The following DNAJC17 variants were observed in gnomAD, a reference collection of about 807,000 sequenced individuals.
The protein encoded by DNAJC17 is dnaJ homolog subfamily C member 17.
Under a neutral mutation model 48.1 loss-of-function variants are expected in DNAJC17, and 35 were observed. The observed-to-expected ratio is 0.73, with a 90% CI of 0.56 to 0.96. DNAJC17 has a LOEUF of 0.96. Among genes scored for constraint, DNAJC17 ranks in the 50% least tolerant of loss-of-function variants. The probability of loss-of-function intolerance (pLI) is 0.00; values close to 1 mark genes in which losing one functional copy is unlikely to be tolerated. For synonymous variants in DNAJC17, 117 were observed against 142.7 expected, an observed-to-expected ratio of 0.82 and a Z score of 1.28; for missense variants, 355 against 377.1, an observed-to-expected ratio of 0.94 and a Z score of 0.48.
rs1009553944 is a variant in DNAJC17 at position 40,769,688 on chromosome 15, C to T, written c.793-1626G>A. The stretch of plus-strand genomic sequence containing the variant: ...ACGCCTGCCTTTCAATTAACTCCCA[C>T]CCGCCCCGAACTCTTCCTACCCAGA... On this transcript the variant is annotated intron_variant, in intron 10 of 10. Coordinates refer to ENST00000220496, the MANE Select transcript of DNAJC17 (RefSeq NM_018163.3). The surrounding 1 kb of genome is among the most constrained non-coding windows in gnomAD (Gnocchi z 4.2). Among the ~76,000 whole-genome samples, 2 of 152,270 alleles carry T rather than the reference C, an allele frequency of 1.3e-5. No individual in the cohort carries two copies. Among genetic ancestry groups the T allele is most frequent in the African/African-American group, 4.8e-5 (2 of 41,476 alleles).
intron 1 of DNAJC17, among the ~76,000 whole-genome samples, chr15:40,803,265 G>A (rs985433152): frequency 1.3e-5 from 2 of 152,084 alleles, no homozygotes; most frequent in African/African-American, 2.4e-5. Flanking sequence ...CAGTTTAGGA[G>A]TTCTTCCTTG....
intron 10 of DNAJC17, among the ~76,000 whole-genome samples, chr15:40,772,639 G>C (rs969831268): frequency 6.6e-6 from 1 of 152,244 alleles, no homozygotes; most frequent in African/African-American, 2.4e-5. Context: ...GCAGGCTGGC[G>C]TGGGTAAAGT....
intron 1 of DNAJC17, among the ~76,000 whole-genome samples, chr15:40,802,117 T>C (rs926222282): frequency 3.1e-4 from 47 of 150,632 alleles, no homozygotes; most frequent in African/African-American, 1.1e-3. Context: ...TGCCACAAGA[T>C]GGGGAAATCC....
intron 1 of DNAJC17, among the ~76,000 whole-genome samples, chr15:40,793,145 G>A (rs573048218): frequency 1.7e-4 from 25 of 143,568 alleles, no homozygotes; most frequent in Middle Eastern, 3.5e-3. Context: ...TGCCCGCCTC[G>A]GCCTCCCAAA....
At position 40,798,633 on chromosome 15, in the gene DNAJC17, G is replaced by C. The variant is rs138602143; in HGVS notation, c.78+8736C>G. Among the ~76,000 whole-genome samples, 740 of 152,270 alleles carry C rather than the reference G, an allele frequency of 4.9e-3. 8 individuals are homozygous for C. Among genetic ancestry groups the C allele is most frequent in the African/African-American group, 0.017 (706 of 41,536 alleles). ...GTGCAGGACAGGCAGTAAGGGCCGC[G>C]TGGGCCAGGGGAAGGACTTCAGATT... is the stretch of plus-strand genomic sequence containing the variant. On this transcript the variant is annotated intron_variant, in intron 1 of 10. Coordinates refer to ENST00000220496, the MANE Select transcript of DNAJC17 (RefSeq NM_018163.3).
intron 7 of DNAJC17, 77 bp from the exon 8 acceptor site, chr15:40,775,185 G>A: frequency 6.7e-7 from 1 of 1,484,664 alleles, no homozygotes; most frequent in East Asian, 2.3e-5. Flanking sequence ...GACAGTCTGA[G>A]CAGACATCCT....
At position 40,766,098 on chromosome 15, in the gene DNAJC17, CT is replaced by C. The variant is rs1888942616; in HGVS notation, c.*1841del. The C allele has an allele frequency of 2.3e-6, 1 of 433,318 alleles. No individual in the cohort carries two copies. The highest frequency in any genetic ancestry group is 4.2e-6 in the Non-Finnish European group (1 of 239,652). The allele number at this position is 433,318 out of a possible 1,614,324, so 26.8% of individuals were successfully genotyped here. ...ATCTGTAGCCTCTCCAACATCCCCCCTCTCCCCCACGAGGCTTGCTCTGAAA... is the reference window on the plus strand; with the variant it reads ...ATCTGTAGCCTCTCCAACATCCCCCCCTCCCCCACGAGGCTTGCTCTGAAA... On this transcript the variant is annotated 3_prime_UTR_variant, in exon 11 of 11. Coordinates refer to ENST00000220496, the MANE Select transcript of DNAJC17 (RefSeq NM_018163.3).
At chr15:40,789,819 T>C (rs1483338640) in intron 1 of DNAJC17, among the ~76,000 whole-genome samples, 2 of 138,018 alleles carry the variant, frequency 1.4e-5, no homozygotes, top group African/African-American at 5.5e-5. Context: ...GGCAGGAGAA[T>C]GGCGTGAACC....
chr15:40,794,391 G>A (rs935235542), intron 1 of DNAJC17, among the ~76,000 whole-genome samples: 2 of 151,904 alleles, frequency 1.3e-5, no homozygotes, highest in East Asian at 3.9e-4. Context: ...GTTACTTTCG[G>A]CTGGGCACAG....
chr15:40,805,375 C>CAAAAAA (rs559577744), intron 1 of DNAJC17, among the ~76,000 whole-genome samples: 1 of 107,890 alleles, frequency 9.3e-6, no homozygotes, highest in African/African-American at 4.2e-5. Context: ...TACTCTGTCT[C>CAAAAAA]AAAAAAAAAA....
chr15:40,775,518 G>T, intron 7 of DNAJC17, 35 bp downstream of exon 7: 1 of 1,611,192 alleles, frequency 6.2e-7, no homozygotes, highest in Non-Finnish European at 8.5e-7. Flanking sequence ...GGCGGTGTGA[G>T]TGTGAGGTGG....
At position 40,779,318 on chromosome 15, in the gene DNAJC17, G is replaced by T. The variant is rs781069188; in HGVS notation, c.208-8C>A. ...GACCTTGTCATATGCAGCCTGGCAG[G>T]AGAAAGGGGCACAGGGCAGAGGGTC... is the stretch of plus-strand genomic sequence containing the variant. On this transcript the variant is annotated splice_polypyrimidine_tract_variant and splice_region_variant and intron_variant, in intron 3 of 10. Transcript: ENST00000220496. 9.3e-6 allele frequency: 15 copies of T among 1,613,840 alleles called. No individual in the cohort carries two copies. Among genetic ancestry groups the T allele is most frequent in the Non-Finnish European group, 1.3e-5 (15 of 1,180,010 alleles).
rs1318272589 is a variant in DNAJC17, at chr15:40,766,183, C to G, written c.*1757G>C. The G allele has an allele frequency of 3.3e-6, 1 of 299,390 alleles. No homozygotes were observed. Among genetic ancestry groups the G allele is most frequent in the Non-Finnish European group, 6.2e-6 (1 of 161,808 alleles). 18.5% of individuals were successfully genotyped at this position (299,390 alleles called of 1,614,324 possible). A position where few individuals can be genotyped will look rare whatever the true frequency, so the allele number is the denominator to read the frequency against. On this transcript the variant is annotated 3_prime_UTR_variant, in exon 11 of 11. Transcript: ENST00000220496. ...GAGTCCGTTCCCTGGGTCTAGGACT[C>G]CACTAGCAGACTGTTCCTTGCCCTG...
chr15:40,779,409 G>A (rs1889417855), intron 3 of DNAJC17, 99 bp from the exon 4 acceptor site: 1 of 1,549,866 alleles, frequency 6.5e-7, no homozygotes, highest in African/African-American at 1.4e-5. Context: ...CATCAGAGTG[G>A]CAGCCTGGTG....
chr15:40,794,787 G>A (rs1039331201), intron 1 of DNAJC17, among the ~76,000 whole-genome samples: 8 of 151,966 alleles, frequency 5.3e-5, no homozygotes, highest in Admixed American at 2.0e-4. Context: ...GCACGATCTC[G>A]GCTCACTGAA....
chr15:40,795,345 T>C (rs1297730804), intron 1 of DNAJC17, among the ~76,000 whole-genome samples: 1 of 151,984 alleles, frequency 6.6e-6, no homozygotes, highest in African/African-American at 2.4e-5. Flanking sequence ...CTGCCAACGT[T>C]AGCCTCTGCA....
chr15:40,801,655 A>T (rs1890074099), intron 1 of DNAJC17, among the ~76,000 whole-genome samples: 1 of 149,766 alleles, frequency 6.7e-6, no homozygotes, highest in South Asian at 2.2e-4. Context: ...CAGGAGGCTG[A>T]GACGGGAGAA....
At chr15:40,790,165 T>C (rs562203051) in intron 1 of DNAJC17, among the ~76,000 whole-genome samples, 3 of 152,290 alleles carry the variant, frequency 2.0e-5, no homozygotes, top group Admixed American at 2.0e-4. Flanking sequence ...GTAAAATCTC[T>C]ATCTGTGTTA....
intron 1 of DNAJC17, among the ~76,000 whole-genome samples, chr15:40,796,950 A>G (rs1422948177): frequency 1.3e-5 from 2 of 151,842 alleles, no homozygotes; most frequent in Non-Finnish European, 2.9e-5. Context: ...TTTCCTTTGT[A>G]GAGACAGGGT....
Sources: gnomAD v4.1 joint callset for allele counts (sites outside exome capture counted in the v4.1 genomes callset) on GRCh38, gnomAD v4.1.1 for gene constraint, Gnocchi (gnomAD v3.1) non-coding constraint, MANE v1.5 for transcripts, NCBI Gene and HGNC (gene_info 2026-07-23, HGNC 2026-07-21) for gene names.